VWA8: variants seen among roughly 807,000 people sequenced by gnomAD.
VWA8 encodes von Willebrand factor A domain containing 8.
In VWA8, 221 loss-of-function variants were observed where a neutral mutation model predicts 241.5. The observed-to-expected ratio is 0.91, with a 90% CI of 0.82 to 1.02. VWA8 has a LOEUF of 1.02. VWA8 is among the 50% of genes least tolerant of loss of function. The pLI, the probability that VWA8 is intolerant of heterozygous loss-of-function variation, is 0.00. For synonymous variants in VWA8, 852 were observed against 827.1 expected, an observed-to-expected ratio of 1.03 and a Z score of -0.52; for missense variants, 2,322 against 2,328.7, an observed-to-expected ratio of 1.00 and a Z score of 0.06.
chr13:41,764,848 A>G (rs1446209267), intron 20 of VWA8, among the ~76,000 whole-genome samples: 1 of 152,080 alleles, frequency 6.6e-6, no homozygotes, highest in Non-Finnish European at 1.5e-5. Context: ...CCAAGAAGCC[A>G]CTGAAGTAAA....
At chr13:41,891,385 A>C (rs1216990720) in intron 5 of VWA8, 35 bp downstream of exon 5, 1 of 1,612,814 alleles carries the variant, frequency 6.2e-7, no homozygotes, top group Non-Finnish European at 8.5e-7. Flanking sequence ...ATAGCTTGAC[A>C]GCAAAGACAA....
chr13:41,856,243 T>G (rs1169193879), intron 12 of VWA8, among the ~76,000 whole-genome samples: 1 of 152,038 alleles, frequency 6.6e-6, no homozygotes, highest in Non-Finnish European at 1.5e-5. Flanking sequence ...GGCTAAGATA[T>G]GAAAATCATT....
intron 8 of VWA8, among the ~76,000 whole-genome samples, chr13:41,883,888 C>T (rs1874386360): frequency 6.6e-6 from 1 of 152,168 alleles, no homozygotes; most frequent in Non-Finnish European, 1.5e-5. Context: ...CTTTTTATTC[C>T]TAAGTTAATC....
intron 37 of VWA8, among the ~76,000 whole-genome samples, chr13:41,620,625 C>T (rs918087360): frequency 6.6e-6 from 1 of 152,180 alleles, no homozygotes; most frequent in Non-Finnish European, 1.5e-5. Flanking sequence ...AAATTTCCCT[C>T]TACACACTGC....
intron 2 of VWA8, among the ~76,000 whole-genome samples, chr13:41,939,534 C>G (rs1422230167): frequency 6.6e-6 from 1 of 152,098 alleles, no homozygotes; most frequent in Non-Finnish European, 1.5e-5. Flanking sequence ...GTGCCAGATG[C>G]TAGATGCTGC....
rs566170518 is a variant in VWA8 at position 41,845,167 on chromosome 13, T to C, written c.1426-11636A>G. Among the ~76,000 whole-genome samples the C allele has an allele frequency of 4.9e-4, 75 of 152,214 alleles. 1 individual carries two copies. Among genetic ancestry groups the C allele is most frequent in the Admixed American group, 2.6e-3 (40 of 15,274 alleles). On this transcript the variant is annotated intron_variant, in intron 12 of 44. Transcript: ENST00000379310. ...ATGAAAAGATACTTCTCAGAAGACATACAAGTGGCCAAAAAACATACGAAA... is the reference window on the plus strand; with the variant it reads ...ATGAAAAGATACTTCTCAGAAGACACACAAGTGGCCAAAAAACATACGAAA...
chr13:41,830,146 G>C (rs1251698260), intron 14 of VWA8, among the ~76,000 whole-genome samples: 1 of 151,690 alleles, frequency 6.6e-6, no homozygotes, highest in African/African-American at 2.4e-5. Flanking sequence ...GGGAGGCTGA[G>C]GCAGGAGAAT....
chr13:41,636,895 C>T (rs1390577290), intron 37 of VWA8, among the ~76,000 whole-genome samples: 1 of 151,770 alleles, frequency 6.6e-6, no homozygotes, highest in Non-Finnish European at 1.5e-5. Flanking sequence ...GAATGGCAAT[C>T]ATTAAAAAGT....
At position 41,811,322 on chromosome 13, in the gene VWA8, A is replaced by G. The variant is rs749650029; in HGVS notation, c.1966T>C (p.Ser656Pro). 12 of 1,610,308 alleles carry G rather than the reference A, an allele frequency of 7.5e-6. No individual in the cohort carries two copies. The Admixed American group carries it at 2.0e-4, about 27-fold the overall frequency. The change falls in exon 17 of 45, where the codon TCA (serine) becomes CCA (proline). Residue 656 changes from serine to proline, a missense_variant. Physicochemically the swap from Ser to Pro is moderately conservative, Grantham distance 74 (BLOSUM62 -1). Coordinates refer to ENST00000379310, the MANE Select transcript of VWA8 (RefSeq NM_015058.2). Reference sequence around the variant, plus strand: ...CGCAACAGTTGTCTGGTAGAAAGTGATGCCGCTAATGATTGTGCCTATCAA... The same window carrying G: ...CGCAACAGTTGTCTGGTAGAAAGTGGTGCCGCTAATGATTGTGCCTATCAA... Reference protein sequence around the residue: ...QDPTAQSLAASLSTRQLLRIS... With the variant: ...QDPTAQSLAAPLSTRQLLRIS...
chr13:41,834,373 T>G (rs1357965800), intron 12 of VWA8, among the ~76,000 whole-genome samples: 1 of 152,228 alleles, frequency 6.6e-6, no homozygotes, highest in Non-Finnish European at 1.5e-5. Flanking sequence ...TTTACAGTCA[T>G]TTTTATCCAA....
intron 40 of VWA8, among the ~76,000 whole-genome samples, chr13:41,595,442 A>C (rs2044481906): frequency 1.3e-5 from 2 of 152,166 alleles, no homozygotes; most frequent in South Asian, 4.1e-4. Flanking sequence ...AAATCTTAAG[A>C]ATGTACTTTT....
At chr13:41,827,422 CAT>C (rs1306996287) in intron 14 of VWA8, among the ~76,000 whole-genome samples, 4 of 152,072 alleles carry the variant, frequency 2.6e-5, no homozygotes, top group African/African-American at 7.2e-5. Flanking sequence ...TGTTTAGTGA[CAT>C]AGAAGTAAAT....
chr13:41,887,204 G>A lies in VWA8; in HGVS notation c.809C>T (p.Pro270Leu), dbSNP rs750461469. The A allele has an allele frequency of 6.2e-7, 1 of 1,611,414 alleles. No homozygotes were observed. The highest frequency in any genetic ancestry group is 8.5e-7 in the Non-Finnish European group (1 of 1,179,346). Residue 270 changes from proline (P) to leucine (L), a missense_variant, in exon 6 of 45, where the codon CCC becomes CTC. Coordinates refer to ENST00000379310, the MANE Select transcript of VWA8 (RefSeq NM_015058.2). ...RFQARDIYYL[P>L]FKDQLKLLYS... ...ATCCTTGGTCTTACTTACCTTGAAG[G>A]GTAAATAATAAATATCCCTGGCTTG...
intron 37 of VWA8, among the ~76,000 whole-genome samples, chr13:41,634,438 A>T (rs9590621): frequency 0.033 from 5,024 of 152,242 alleles, 278 homozygotes; most frequent in African/African-American, 0.11. Context: ...TTTTTGACGT[A>T]TTCTGACATG....
At chr13:41,711,597 G>A (rs1017188236) in intron 26 of VWA8, among the ~76,000 whole-genome samples, 26 of 152,210 alleles carry the variant, frequency 1.7e-4, no homozygotes, top group African/African-American at 6.3e-4. Flanking sequence ...ATTTCAGGCC[G>A]GGCATGGTGG....
chr13:41,644,348 A>G (rs2139683501), intron 37 of VWA8, among the ~76,000 whole-genome samples: 1 of 152,220 alleles, frequency 6.6e-6, no homozygotes, highest in South Asian at 2.1e-4. Flanking sequence ...AATTAAATAT[A>G]TATTTTGTCT....
At chr13:41,830,321 A>G (rs1202329611) in intron 14 of VWA8, among the ~76,000 whole-genome samples, 1 of 151,780 alleles carries the variant, frequency 6.6e-6, no homozygotes, top group African/African-American at 2.4e-5. Context: ...TTTTTTTAAA[A>G]AAAAAAAGTA....
chr13:41,574,611 C>G (rs1015398506), intron 43 of VWA8, among the ~76,000 whole-genome samples: 2 of 152,070 alleles, frequency 1.3e-5, no homozygotes, highest in Admixed American at 1.3e-4. Context: ...GCCCAGATAG[C>G]CAAAGCAATA....
At position 41,691,890 on chromosome 13, in the gene VWA8, A is replaced by C. The variant is rs374735365; in HGVS notation, c.3724T>G (p.Phe1242Val). 6 of 1,610,860 alleles carry C rather than the reference A, an allele frequency of 3.7e-6. No individual in the cohort carries two copies. Among genetic ancestry groups the C allele is most frequent in the Non-Finnish European group, 5.1e-6 (6 of 1,177,604 alleles). The change falls in exon 31 of 45, where the codon TTC becomes GTC. Residue 1242 changes from phenylalanine (F) to valine (V), a missense_variant. Transcript: ENST00000379310. ...AGAGCTCACCCTTTTTCTTTGTAGA[A>C]CACCAGCCAGTTTTTGTGTGAAAAT... Reference protein sequence around the residue: ...KEFSHKNWLVFYKEKGNSLTV... With the variant: ...KEFSHKNWLVVYKEKGNSLTV...
Sources: gnomAD v4.1 joint callset for allele counts (sites outside exome capture counted in the v4.1 genomes callset) on GRCh38, gnomAD v4.1.1 for gene constraint, MANE v1.5 for transcripts, NCBI Gene and HGNC (gene_info 2026-07-23, HGNC 2026-07-21) for gene names.